AFTPH: variants seen among roughly 807,000 people sequenced by gnomAD.
AFTPH encodes the protein aftiphilin protein.
A neutral mutation model predicts 72.5 loss-of-function variants in AFTPH; 7 were observed. That is an observed-to-expected ratio of 0.10 (90% confidence interval 0.05 to 0.18). AFTPH has a LOEUF of 0.18. Ranked by LOEUF, AFTPH falls within the 10% of genes least tolerant of loss-of-function variation. The probability of loss-of-function intolerance (pLI) is 1.00; values close to 1 mark genes in which losing one functional copy is unlikely to be tolerated. For synonymous variants in AFTPH, 337 were observed against 370.1 expected (o/e 0.91, Z 1.03); for missense variants, 979 against 1,060.5 (o/e 0.92, Z 1.07).
intron 1 of AFTPH, among the ~76,000 whole-genome samples, chr2:64,549,298 T>C (rs996951164): frequency 1.3e-5 from 2 of 149,662 alleles, no homozygotes; most frequent in African/African-American, 5.0e-5. Flanking sequence ...ACTTTGGCTG[T>C]TAGTCCTCCC....
intron 6 of AFTPH, 64 bp from the exon 7 acceptor site, chr2:64,579,422 A>G: frequency 7.9e-7 from 1 of 1,264,164 alleles, no homozygotes; most frequent in Admixed American, 2.2e-5. Context: ...TTTTTTTTTT[A>G]AGGATTCTTT....
intron 2 of AFTPH, 75 bp from the exon 3 acceptor site, chr2:64,567,487 T>G: frequency 1.3e-6 from 2 of 1,494,480 alleles, no homozygotes; most frequent in South Asian, 2.7e-5. Flanking sequence ...GTGCGTGTGT[T>G]TGCATTTTAA....
intron 1 of AFTPH, among the ~76,000 whole-genome samples, chr2:64,540,815 C>G (rs548437316): frequency 1.6e-3 from 239 of 152,114 alleles, no homozygotes; most frequent in African/African-American, 5.6e-3. Context: ...GTACTATATA[C>G]ACTAATACTG....
intron 2 of AFTPH, among the ~76,000 whole-genome samples, chr2:64,553,717 A>C (rs1326731541): frequency 6.6e-6 from 1 of 151,574 alleles, no homozygotes; most frequent in African/African-American, 2.4e-5. Context: ...AAAAAAAAAA[A>C]AACCCACACT....
In AFTPH at chr2:64,538,913, T is replaced by C. The variant is rs573531302; in HGVS notation, c.-32-12530T>C. ...TTGCTCTCATGGTGGGTGTTTGTGA[T>C]GTAGAAAGCAGCACTGTCAGAGGAA... On this transcript the variant is annotated intron_variant, in intron 1 of 8. Coordinates refer to ENST00000238856, the Ensembl canonical transcript of AFTPH. 3.3e-5 allele frequency among the ~76,000 whole-genome samples: 5 copies of C among 152,354 alleles called. No individual in the cohort carries two copies. In the South Asian group the frequency reaches 8.3e-4, roughly 25 times the overall value.
chr2:64,585,286 T>C (rs772657518), intron 7 of AFTPH, 136 bp from the exon 9 acceptor site: 3 of 1,029,674 alleles, frequency 2.9e-6, no homozygotes, highest in Non-Finnish European at 4.3e-6. Flanking sequence ...AATGCAGTAT[T>C]GCAGTGTTCT....
chr2:64,551,799 TC>T lies in AFTPH; in HGVS notation c.326del (p.Ser109LeufsTer7). 6.2e-7 allele frequency: 1 copy of T among 1,613,572 alleles called. No individual in the cohort carries two copies. The highest frequency in any genetic ancestry group is 8.5e-7 in the Non-Finnish European group (1 of 1,179,490). ...GAAAGGACAGTCTGATGTTTTACTT[TC>T]TACCACCAGCAAAGAAATAATTTCA... On this transcript the variant is annotated frameshift_variant, in exon 2 of 9. Coordinates refer to ENST00000238856, the Ensembl canonical transcript of AFTPH. LOFTEE classifies it high-confidence loss of function.
intron 2 of AFTPH, among the ~76,000 whole-genome samples, chr2:64,566,198 C>G (rs1056434787): frequency 6.6e-6 from 1 of 152,210 alleles, no homozygotes; most frequent in East Asian, 1.9e-4. Context: ...CCTTGATGCA[C>G]TCAAGTTTCA....
chr2:64,567,328 C>G (rs1672147051), intron 2 of AFTPH, among the ~76,000 whole-genome samples: 1 of 152,120 alleles, frequency 6.6e-6, no homozygotes, highest in African/African-American at 2.4e-5. Context: ...AGGTATATTG[C>G]TTGGCATGTT....
chr2:64,584,593 A>ATT (rs5831705), intron 7 of AFTPH, among the ~76,000 whole-genome samples: 1,886 of 116,920 alleles, frequency 0.016, 71 homozygotes, highest in African/African-American at 0.027. Context: ...CTTAGTCATG[A>ATT]TTTTTTTTTT....
chr2:64,529,089 T>C (rs974790370), intron 1 of AFTPH, among the ~76,000 whole-genome samples: 1 of 152,146 alleles, frequency 6.6e-6, no homozygotes, highest in Non-Finnish European at 1.5e-5. Flanking sequence ...AATTCCCTCA[T>C]TTTTAAACTC....
chr2:64,526,537 G>GT (rs1326558564), intron 1 of AFTPH, among the ~76,000 whole-genome samples: 1 of 152,028 alleles, frequency 6.6e-6, no homozygotes, highest in Admixed American at 6.5e-5. Flanking sequence ...AAAAATAAAG[G>GT]TTTTTCCCTC....
rs1401562670 is a variant in AFTPH at position 64,553,300 on chromosome 2, A to T, written c.1826A>T (p.Asp609Val). 7 of 1,614,024 alleles carry T rather than the reference A, an allele frequency of 4.3e-6. No individual in the cohort carries two copies. In the Admixed American group the frequency reaches 6.7e-5, roughly 15 times the overall value. The change falls in exon 2 of 9, where the codon GAT becomes GTT. Residue 609 changes from aspartate (D) to valine (V), a missense_variant. By Grantham distance (152) the Asp-to-Val change is radical. Coordinates refer to ENST00000238856, the Ensembl canonical transcript of AFTPH. ...GAAGCCTGGCAGTCACATAGGACAGATGAAAATATTGATACTCCAGGAACC... is the reference window on the plus strand; with the variant it reads ...GAAGCCTGGCAGTCACATAGGACAGTTGAAAATATTGATACTCCAGGAACC...
At chr2:64,563,407 T>A (rs2104009950) in intron 2 of AFTPH, among the ~76,000 whole-genome samples, 1 of 152,346 alleles carries the variant, frequency 6.6e-6, no homozygotes, top group Non-Finnish European at 1.5e-5. Context: ...GCTCAAATTT[T>A]ATGTTCAAAA....
At chr2:64,588,217 T>A (rs1169378451) in intron 8 of AFTPH, among the ~76,000 whole-genome samples, 1 of 152,198 alleles carries the variant, frequency 6.6e-6, no homozygotes, top group East Asian at 1.9e-4. Flanking sequence ...TCTGCAGCCT[T>A]TTGTGTCTCG....
intron 8 of AFTPH, among the ~76,000 whole-genome samples, chr2:64,585,803 A>T (rs6715758): frequency 0.012 from 766 of 61,602 alleles, 9 homozygotes; most frequent in African/African-American, 0.045. Context: ...CCCCCACCTC[A>T]CTTTGTAGAG....
chr2:64,551,195 CTTGGTAACA>C (rs1478241147), intron 1 of AFTPH, among the ~76,000 whole-genome samples: 1 of 151,802 alleles, frequency 6.6e-6, no homozygotes, highest in East Asian at 1.9e-4. Flanking sequence ...TACCAGTGCT[CTTGGTAACA>C]TGTAGTCTAA....
At chr2:64,582,044 G>T (rs1156554309) in intron 7 of AFTPH, among the ~76,000 whole-genome samples, 1 of 152,100 alleles carries the variant, frequency 6.6e-6, no homozygotes, top group Non-Finnish European at 1.5e-5. Context: ...AATTATAATG[G>T]CATTTTTATG....
chr2:64,536,338 G>A (rs975431083), intron 1 of AFTPH, among the ~76,000 whole-genome samples: 2 of 151,978 alleles, frequency 1.3e-5, no homozygotes, highest in Non-Finnish European at 1.5e-5. Flanking sequence ...GGCCAAAGTG[G>A]GTAGATCACC....
Sources: gnomAD v4.1 joint callset for allele counts (sites outside exome capture counted in the v4.1 genomes callset) on GRCh38, gnomAD v4.1.1 for gene constraint, MANE v1.5 for transcripts, NCBI Gene and HGNC (gene_info 2026-07-23, HGNC 2026-07-21) for gene names.